HSF2BP: variants seen among roughly 807,000 people sequenced by gnomAD.
HSF2BP encodes the protein heat shock factor 2-binding protein.
In HSF2BP, 35 loss-of-function variants were observed where a neutral mutation model predicts 35.0. The ratio of observed to expected loss-of-function variants is 1.00; its 90% confidence interval spans 0.76 to 1.32. HSF2BP has a LOEUF of 1.32. Ranked by LOEUF, HSF2BP falls within the 40% of genes most tolerant of loss-of-function variation. The probability of loss-of-function intolerance (pLI) is 0.00; values close to 1 mark genes in which losing one functional copy is unlikely to be tolerated. For synonymous variants in HSF2BP, 114 were observed against 117.4 expected (o/e 0.97, Z 0.18); for missense variants, 326 against 321.7 (o/e 1.01, Z -0.10).
chr21:43,601,038 G>A (rs4819270), intron 7 of HSF2BP, among the ~76,000 whole-genome samples: 103,064 of 152,118 alleles, frequency 0.68, 35,325 homozygotes, highest in East Asian at 0.79. Flanking sequence ...TTATTTATCT[G>A]TTCTCCATCT....
At chr21:43,638,793 A>G (rs1351908304) in intron 4 of HSF2BP, among the ~76,000 whole-genome samples, 1 of 152,254 alleles carries the variant, frequency 6.6e-6, no homozygotes, top group Non-Finnish European at 1.5e-5. Context: ...TTTTGTAGAC[A>G]TAAACAAGCT....
At chr21:43,634,090 G>C (rs779568952) in intron 4 of HSF2BP, among the ~76,000 whole-genome samples, 2 of 152,158 alleles carry the variant, frequency 1.3e-5, no homozygotes, top group Non-Finnish European at 2.9e-5. Flanking sequence ...GTGAAGGCTG[G>C]GAGTCCTATT....
rs879695872 is a variant in HSF2BP, at chr21:43,609,639, T to TG, written c.692+4190dup. 2.0e-5 allele frequency among the ~76,000 whole-genome samples: 3 copies of TG among 151,852 alleles called. No homozygotes were observed. The East Asian group carries it at 5.8e-4, about 29-fold the overall frequency. On this transcript the variant is annotated intron_variant, in intron 7 of 8. Transcript: ENST00000291560. ...CTGATTTATAGTATGAGAAAGGTCT[T>TG]GGGGCTCCAGAGGACTCAAGGGTGG...
intron 7 of HSF2BP, among the ~76,000 whole-genome samples, chr21:43,598,203 T>C (rs1157088814): frequency 6.6e-6 from 1 of 151,776 alleles, no homozygotes; most frequent in East Asian, 1.9e-4. Flanking sequence ...TTTTTGTTTT[T>C]TTGTTTTGAG....
intron 8 of HSF2BP, among the ~76,000 whole-genome samples, chr21:43,584,952 C>T (rs1223475871): frequency 6.6e-6 from 1 of 151,870 alleles, no homozygotes; most frequent in East Asian, 1.9e-4. Flanking sequence ...CTCTGTCCTC[C>T]CACTTTCACT....
At chr21:43,588,845 G>A (rs1369033082) in intron 8 of HSF2BP, among the ~76,000 whole-genome samples, 1 of 152,174 alleles carries the variant, frequency 6.6e-6, no homozygotes, top group African/African-American at 2.4e-5. Flanking sequence ...GAAAAAAGCT[G>A]TCTGGTCAAG....
At chr21:43,468,038 CCACA>C in the HSF2BP span, among the ~76,000 whole-genome samples, 2 of 136,692 alleles carry the variant, frequency 1.5e-5, no homozygotes, top group African/African-American at 5.5e-5. Context: ...ACACACCACA[CCACA>C]CACAACCATA....
intron 7 of HSF2BP, among the ~76,000 whole-genome samples, chr21:43,595,217 G>A (rs778621963): frequency 1.3e-5 from 2 of 152,036 alleles, no homozygotes. Flanking sequence ...AAGCAAGATC[G>A]CACCACTGCA....
At chr21:43,588,239 G>A (rs2081881483) in intron 8 of HSF2BP, among the ~76,000 whole-genome samples, 1 of 152,124 alleles carries the variant, frequency 6.6e-6, no homozygotes, top group South Asian at 2.1e-4. Flanking sequence ...TTAGCCAGGT[G>A]TAGTGGCAGG....
chr21:43,602,739 T>A (rs1421881065), intron 7 of HSF2BP, among the ~76,000 whole-genome samples: 1 of 152,186 alleles, frequency 6.6e-6, no homozygotes, highest in Non-Finnish European at 1.5e-5. Flanking sequence ...GTCAGTTACC[T>A]CAGCTTAGTA....
intron 8 of HSF2BP, among the ~76,000 whole-genome samples, chr21:43,573,748 G>C (rs2081605223): frequency 6.6e-6 from 1 of 152,096 alleles, no homozygotes. Context: ...GGGGGAGGGT[G>C]TGGAGGACAG....
At chr21:43,571,899 A>C (rs561420922) in intron 8 of HSF2BP, among the ~76,000 whole-genome samples, 1 of 149,522 alleles carries the variant, frequency 6.7e-6, no homozygotes, top group African/African-American at 2.5e-5. Context: ...ACTGTGAAAG[A>C]TCAGTCTAAC....
intron 8 of HSF2BP, among the ~76,000 whole-genome samples, chr21:43,584,269 A>C (rs2081816977): frequency 6.6e-6 from 1 of 152,272 alleles, no homozygotes; most frequent in South Asian, 2.1e-4. Context: ...TCTGCAGTCC[A>C]TGCACTGGAG....
intron 6 of HSF2BP, among the ~76,000 whole-genome samples, chr21:43,629,731 G>T (rs2082431147): frequency 6.6e-6 from 1 of 152,166 alleles, no homozygotes; most frequent in African/African-American, 2.4e-5. Context: ...AAAGAAAGTG[G>T]TTTCTTGAGA....
intron 7 of HSF2BP, among the ~76,000 whole-genome samples, chr21:43,592,682 T>C (rs2146790178): frequency 6.6e-6 from 1 of 152,340 alleles, no homozygotes; most frequent in East Asian, 1.9e-4. Flanking sequence ...TACTATACTC[T>C]CAAAGTTCAA....
intron 7 of HSF2BP, among the ~76,000 whole-genome samples, chr21:43,595,673 A>T (rs1193883192): frequency 1.3e-5 from 2 of 151,484 alleles, no homozygotes; most frequent in Non-Finnish European, 2.9e-5. Context: ...TAATAACTAA[A>T]AATAATAATA....
At chr21:43,632,313 C>T (rs1163183425) in intron 5 of HSF2BP, among the ~76,000 whole-genome samples, 1 of 99,234 alleles carries the variant, frequency 1.0e-5, no homozygotes, top group Non-Finnish European at 2.1e-5. Flanking sequence ...CACACACACG[C>T]TCCCACACAC....
intron 8 of HSF2BP, among the ~76,000 whole-genome samples, chr21:43,582,607 G>C (rs2081772241): frequency 2.3e-5 from 1 of 42,698 alleles, no homozygotes; most frequent in African/African-American, 1.3e-4. Context: ...ATGAAGGCCT[G>C]CTGAGGGAGA....
intron 4 of HSF2BP, among the ~76,000 whole-genome samples, chr21:43,643,788 C>T (rs2082671472): frequency 6.6e-6 from 1 of 152,094 alleles, no homozygotes; most frequent in African/African-American, 2.4e-5. Context: ...GAAACCCCGT[C>T]TCTACTAAAA....
Sources: gnomAD v4.1 joint callset for allele counts (sites outside exome capture counted in the v4.1 genomes callset) on GRCh38, gnomAD v4.1.1 for gene constraint, MANE v1.5 for transcripts, NCBI Gene and HGNC (gene_info 2026-07-23, HGNC 2026-07-21) for gene names.